The following COL4A2 variants were observed in gnomAD, a reference collection of about 807,000 sequenced individuals.
COL4A2 encodes collagen alpha-2(IV) chain.
COL4A2 carries 99 observed loss-of-function variants against 200.2 expected under a neutral mutation model. The observed-to-expected ratio is 0.49, with a 90% CI of 0.42 to 0.58. COL4A2 has a LOEUF of 0.58. Among genes scored for constraint, COL4A2 ranks in the 20% least tolerant of loss-of-function variants. COL4A2 has a pLI of 0.00. For missense variants in COL4A2, 1,950 were observed against 2,314.1 expected (o/e 0.84, Z 3.23); for synonymous variants, 897 against 900.6 (o/e 1.00, Z 0.07).
At position 110,452,005 on chromosome 13, in the gene COL4A2, T is replaced by C. The variant is rs1393590233; in HGVS notation, c.1339+1551T>C. Among the ~76,000 whole-genome samples the C allele has an allele frequency of 2.0e-5, 3 of 152,256 alleles. No homozygotes were observed. In the East Asian group the frequency reaches 5.8e-4, roughly 29 times the overall value. ...CTCTTCTTTCCAAAGTAGTTTACTT[T>C]AAATTCCCTGACATTGCCCCTAATA... On this transcript the variant is annotated intron_variant, in intron 20 of 47. Transcript: ENST00000360467.
intron 18 of COL4A2, among the ~76,000 whole-genome samples, chr13:110,449,191 A>G (rs562723707): frequency 3.3e-5 from 5 of 152,384 alleles, no homozygotes; most frequent in African/African-American, 9.6e-5. Context: ...ATAGTCTAGA[A>G]AAAAGTGTGT....
intron 4 of COL4A2, among the ~76,000 whole-genome samples, chr13:110,388,317 CT>C (rs1878845559): frequency 6.6e-6 from 1 of 152,236 alleles, no homozygotes; most frequent in Non-Finnish European, 1.5e-5. Context: ...ACGCTGGTGA[CT>C]TCTCTTGGCC....
chr13:110,436,523 G>T lies in COL4A2; in HGVS notation c.825+156G>T, dbSNP rs4771679. Among the ~76,000 whole-genome samples the T allele has an allele frequency of 0.14, 20,673 of 151,412 alleles. 1,905 individuals are homozygous for T. The highest frequency in any genetic ancestry group is 0.35 in the East Asian group (1,778 of 5,152). ...AAACATAACCGGGTCCTCCCAGAAT[G>T]TTTTCAACTCTTCCAGACGGTTACT... On this transcript the variant is annotated intron_variant, in intron 13 of 47. Transcript: ENST00000360467.
intron 15 of COL4A2, among the ~76,000 whole-genome samples, chr13:110,439,149 G>A (rs1881028664): frequency 6.6e-6 from 1 of 152,168 alleles, no homozygotes; most frequent in Non-Finnish European, 1.5e-5. Context: ...CACCTTCAGA[G>A]CCCCAGCCTG....
chr13:110,349,337 C>A (rs1876850448), intron 3 of COL4A2, among the ~76,000 whole-genome samples: 1 of 152,186 alleles, frequency 6.6e-6, no homozygotes. Flanking sequence ...ACCCTTTTCC[C>A]CGGTGGCAAA....
intron 14 of COL4A2, 23 bp from the exon 15 acceptor site, chr13:110,438,595 A>G (rs1566533281): frequency 1.2e-6 from 2 of 1,614,142 alleles, no homozygotes. Flanking sequence ...GTTGCTCCTT[A>G]CGCCCCCTCT....
At chr13:110,376,974 T>C (rs1327364018) in intron 4 of COL4A2, among the ~76,000 whole-genome samples, 2 of 152,246 alleles carry the variant, frequency 1.3e-5, no homozygotes, top group Admixed American at 6.5e-5. Context: ...TAGACCTGTC[T>C]TCACTCAGTG....
intron 4 of COL4A2, among the ~76,000 whole-genome samples, chr13:110,369,376 A>C (rs549069545): frequency 6.6e-6 from 1 of 152,310 alleles, no homozygotes; most frequent in Non-Finnish European, 1.5e-5. Flanking sequence ...TTTGGATTTC[A>C]GATTTTTCAG....
At chr13:110,397,993 C>G (rs1022981637) in intron 4 of COL4A2, among the ~76,000 whole-genome samples, 10 of 152,086 alleles carry the variant, frequency 6.6e-5, no homozygotes, top group South Asian at 2.1e-4. Context: ...AACTCGCGAA[C>G]AGATGCAGGC....
rs371294367 is a variant in COL4A2 at position 110,338,434 on chromosome 13, T to G, written c.100-19038T>G. On this transcript the variant is annotated intron_variant, in intron 3 of 47. Transcript: ENST00000360467. ...GAAAAGACACAGAAAATGTTGTGTG[T>G]GGGGGGGGGTGGGGGTAAAATGCTC... 8.6e-3 allele frequency among the ~76,000 whole-genome samples: 1,098 copies of G among 127,120 alleles called. 9 individuals carry two copies. Among genetic ancestry groups the G allele is most frequent in the African/African-American group, 0.031 (895 of 29,176 alleles). The allele number at this position is 127,120 out of a possible 152,430, so 83.4% of individuals were successfully genotyped here. A position where few individuals can be genotyped will look rare whatever the true frequency, so the allele number is the denominator to read the frequency against.
Position 110,485,805 on chromosome 13 carries a change from T to C in COL4A2, c.3176T>C (p.Ile1059Thr), listed in dbSNP as rs538572755. The C allele has an allele frequency of 6.2e-7, 1 of 1,613,754 alleles. No homozygotes were observed. Among genetic ancestry groups the C allele is most frequent in the African/African-American group, 1.3e-5 (1 of 75,056 alleles). Residue 1059 changes from isoleucine (I) to threonine (T), a missense_variant, in exon 34 of 48, where the codon ATT becomes ACT. This residue lies in a region of COL4A2 where 1,385 missense variants were observed against 1,720.5 expected (regional missense o/e 0.80). Coordinates refer to ENST00000360467, the MANE Select transcript of COL4A2 (RefSeq NM_001846.4). ...CCTGGGGTGGCTGGCCCCCCTGGAA[T>C]TACGGGATTCCCAGGATTCATAGGA... ...GFPGVAGPPGITGFPGFIGSR... is the reference protein window; with the variant it reads ...GFPGVAGPPGTTGFPGFIGSR...
chr13:110,338,326 CAGTG>C lies in COL4A2; in HGVS notation c.100-19143_100-19140del, dbSNP rs531344543. 2.0e-3 allele frequency among the ~76,000 whole-genome samples: 304 copies of C among 150,746 alleles called. 2 individuals are homozygous for C. The highest frequency in any genetic ancestry group is 2.9e-3 in the Non-Finnish European group (198 of 67,902). Reference sequence around the variant, plus strand: ...AAAAGAGCAAAAATGCAATGGAAAACAGTGAGGGAGAGAGAGAGAGAAAGAGAGA... The same window carrying C: ...AAAAGAGCAAAAATGCAATGGAAAACAGGGAGAGAGAGAGAGAAAGAGAGA... On this transcript the variant is annotated intron_variant, in intron 3 of 47. Coordinates refer to ENST00000360467, the MANE Select transcript of COL4A2 (RefSeq NM_001846.4).
At chr13:110,310,292 A>G (rs1411848195) in intron 3 of COL4A2, among the ~76,000 whole-genome samples, 1 of 152,202 alleles carries the variant, frequency 6.6e-6, no homozygotes, top group Non-Finnish European at 1.5e-5. Flanking sequence ...CTTGTTAAGA[A>G]GTCAGGCCCC....
At position 110,489,836 on chromosome 13, in the gene COL4A2, T is replaced by C. The variant is rs553257685; in HGVS notation, c.3346+51T>C. The C allele has an allele frequency of 2.7e-5, 42 of 1,556,134 alleles. No homozygotes were observed. In the Middle Eastern group the frequency reaches 2.9e-3, roughly 109 times the overall value. ...CATCTTCAACAACAGCCCTGAGCCT[T>C]TGTCTAGGAGCCCGACTTGCCAAAC... On this transcript the variant is annotated intron_variant, in intron 36 of 47. Coordinates refer to ENST00000360467, the MANE Select transcript of COL4A2 (RefSeq NM_001846.4).
At chr13:110,340,128 A>G (rs1416632370) in intron 3 of COL4A2, among the ~76,000 whole-genome samples, 1 of 152,086 alleles carries the variant, frequency 6.6e-6, no homozygotes, top group Non-Finnish European at 1.5e-5. Flanking sequence ...GTCTAAGAGG[A>G]CAATTTTTTT....
At chr13:110,457,720 C>A (rs1298210206) in intron 21 of COL4A2, 6 of 584,462 alleles carry the variant, frequency 1.0e-5, no homozygotes, top group Non-Finnish European at 2.0e-5. Context: ...GAGTCCTGTG[C>A]TGGGTTAAAA....
chr13:110,378,886 C>T (rs192525866), intron 4 of COL4A2, among the ~76,000 whole-genome samples: 4 of 152,240 alleles, frequency 2.6e-5, no homozygotes, highest in South Asian at 2.1e-4. Context: ...ACATTGGTGT[C>T]GGTGGACACA....
intron 20 of COL4A2, among the ~76,000 whole-genome samples, chr13:110,456,154 C>T (rs750600866): frequency 2.6e-5 from 4 of 152,236 alleles, no homozygotes; most frequent in East Asian, 1.9e-4. Context: ...GGGATGCCCC[C>T]GCCGGGATCA....
chr13:110,505,181 T>TCTA lies in COL4A2; in HGVS notation c.4402+921_4402+923dup, dbSNP rs1883811153. 2.0e-5 allele frequency among the ~76,000 whole-genome samples: 3 copies of TCTA among 151,608 alleles called. No individual in the cohort carries two copies. In the East Asian group the frequency reaches 5.9e-4, roughly 30 times the overall value. On this transcript the variant is annotated intron_variant, in intron 45 of 47. Coordinates refer to ENST00000360467, the MANE Select transcript of COL4A2 (RefSeq NM_001846.4). ...CTGGCTAACACGGTGAAACCCCGTCTCTACTAAAAATACAAAAAATTAGCC... is the reference window on the plus strand; with the variant it reads ...CTGGCTAACACGGTGAAACCCCGTCTCTACTACTAAAAATACAAAAAATTAGCC...
Sources: allele counts gnomAD v4.1 joint callset (sites outside exome capture counted in the v4.1 genomes callset), GRCh38; gene constraint gnomAD v4.1.1; regional missense constraint gnomAD v4.1.1; transcripts MANE v1.5; gene names NCBI Gene and HGNC (gene_info 2026-07-23, HGNC 2026-07-21).